MOB4: variants seen among roughly 807,000 people sequenced by gnomAD.
MOB4 encodes MOB-like protein phocein.
A neutral mutation model predicts 32.2 loss-of-function variants in MOB4; 4 were observed. The observed-to-expected ratio is 0.12, with a 90% confidence interval of 0.06 to 0.28. The LOEUF is 0.28. Among genes scored for constraint, MOB4 ranks in the 10% least tolerant of loss-of-function variants. MOB4 has a pLI of 1.00. For synonymous variants in MOB4, 88 were observed against 88.1 expected (o/e 1.00, Z 0.01); for missense variants, 158 against 271.2 (o/e 0.58, Z 2.93).
At chr2:197,520,777 G>A (rs1396040600) in intron 1 of MOB4, among the ~76,000 whole-genome samples, 1 of 151,762 alleles carries the variant, frequency 6.6e-6, no homozygotes, top group Non-Finnish European at 1.5e-5. Context: ...TCCCCCTTAA[G>A]CTGGGCATGG....
At chr2:197,517,129 AG>A (rs1397829809) in intron 1 of MOB4, among the ~76,000 whole-genome samples, 1 of 152,186 alleles carries the variant, frequency 6.6e-6, no homozygotes. Flanking sequence ...CACCTTTCGA[AG>A]GGGGCATACA....
At chr2:197,527,698 G>T (rs1408113761) in intron 2 of MOB4, among the ~76,000 whole-genome samples, 1 of 152,146 alleles carries the variant, frequency 6.6e-6, no homozygotes, top group Non-Finnish European at 1.5e-5. Context: ...GTGAAAGTGA[G>T]CATCCTTGTC....
At chr2:197,537,321 G>A (rs938651890) in intron 3 of MOB4, among the ~76,000 whole-genome samples, 3 of 152,166 alleles carry the variant, frequency 2.0e-5, no homozygotes, top group African/African-American at 7.2e-5. Flanking sequence ...GAGCTGGGAT[G>A]AGTTGACAGA....
intron 5 of MOB4, among the ~76,000 whole-genome samples, chr2:197,547,660 T>G (rs933615479): frequency 2.0e-5 from 3 of 152,180 alleles, no homozygotes; most frequent in African/African-American, 4.8e-5. Flanking sequence ...CTACAGTCAT[T>G]GTTACTCCTT....
chr2:197,534,830 C>A (rs1403559860), intron 2 of MOB4, among the ~76,000 whole-genome samples: 2 of 151,918 alleles, frequency 1.3e-5, no homozygotes, highest in African/African-American at 4.8e-5. Context: ...GGCATGAGCC[C>A]CGACGCCCGG....
chr2:197,550,508 T>C lies in MOB4; in HGVS notation c.547-7T>C. The stretch of plus-strand genomic sequence containing the variant: ...TTAAAATAACATTTTTGTCTTCCTC[T>C]CTACAGAATGAAACATTTTTGTGTC... On this transcript the variant is annotated splice_polypyrimidine_tract_variant and splice_region_variant and intron_variant, in intron 7 of 7. Coordinates refer to ENST00000323303, the MANE Select transcript of MOB4 (RefSeq NM_015387.5). 1 of 1,588,220 alleles carries C rather than the reference T, an allele frequency of 6.3e-7. No homozygotes were observed. Among genetic ancestry groups the C allele is most frequent in the Non-Finnish European group, 8.5e-7 (1 of 1,170,646 alleles).
chr2:197,526,443 A>G (rs1248115047), intron 2 of MOB4, among the ~76,000 whole-genome samples: 1 of 152,122 alleles, frequency 6.6e-6, no homozygotes, highest in Non-Finnish European at 1.5e-5. Context: ...CAGCCTCCTG[A>G]ATAGCTGGGA....
chr2:197,537,533 A>G (rs977056475), intron 3 of MOB4, among the ~76,000 whole-genome samples: 8 of 152,224 alleles, frequency 5.3e-5, no homozygotes, highest in Non-Finnish European at 8.8e-5. Context: ...AGAAATGGCT[A>G]AGACATTATG....
intron 3 of MOB4, among the ~76,000 whole-genome samples, chr2:197,538,029 T>C (rs1324927523): frequency 7.2e-5 from 11 of 152,218 alleles, no homozygotes; most frequent in South Asian, 2.1e-4. Context: ...CTGCCCACCT[T>C]GGCCTCCCAA....
At chr2:197,518,095 C>T (rs1188740802) in intron 1 of MOB4, among the ~76,000 whole-genome samples, 2 of 151,592 alleles carry the variant, frequency 1.3e-5, no homozygotes, top group Admixed American at 6.6e-5. Flanking sequence ...GAGCCGGAAT[C>T]GCGCCATTGC....
At chr2:197,529,136 C>G (rs2106114382) in intron 2 of MOB4, among the ~76,000 whole-genome samples, 1 of 151,630 alleles carries the variant, frequency 6.6e-6, no homozygotes. Context: ...CGCCACCACC[C>G]CCAGCTAATT....
intron 1 of MOB4, among the ~76,000 whole-genome samples, chr2:197,523,183 C>G (rs778673057): frequency 6.6e-6 from 1 of 151,630 alleles, no homozygotes; most frequent in Non-Finnish European, 1.5e-5. Flanking sequence ...CTTGTCTCCC[C>G]AATTAAGTAA....
chr2:197,543,993 G>C (rs2086945296), intron 5 of MOB4, among the ~76,000 whole-genome samples: 1 of 151,638 alleles, frequency 6.6e-6, no homozygotes, highest in Admixed American at 6.6e-5. Context: ...GCCCACCTCA[G>C]CCTCCTAAAG....
chr2:197,535,790 A>G (rs1353615153), intron 3 of MOB4, among the ~76,000 whole-genome samples, 160 bp downstream of exon 3: 1 of 152,034 alleles, frequency 6.6e-6, no homozygotes, highest in Non-Finnish European at 1.5e-5. Flanking sequence ...AGCTTTCTTC[A>G]CTGGTTGTTT....
intron 1 of MOB4, among the ~76,000 whole-genome samples, chr2:197,522,323 CTT>C (rs57163165): frequency 2.3e-4 from 15 of 66,470 alleles, no homozygotes; most frequent in African/African-American, 4.7e-4. Context: ...GGGTGATTAC[CTT>C]TTTTTTTTTT....
At position 197,550,734 on chromosome 2, in the gene MOB4, T is replaced by C. The variant is rs544029948; in HGVS notation, c.*88T>C. 9.2e-6 allele frequency: 13 copies of C among 1,417,548 alleles called. No individual in the cohort carries two copies. The African/African-American group carries it at 1.2e-4, about 13-fold the overall frequency. 87.8% of individuals were successfully genotyped at this position (1,417,548 alleles called of 1,614,324 possible). A position where few individuals can be genotyped will look rare whatever the true frequency, so the allele number is the denominator to read the frequency against. On this transcript the variant is annotated 3_prime_UTR_variant, in exon 8 of 8. Coordinates refer to ENST00000323303, the MANE Select transcript of MOB4 (RefSeq NM_015387.5). ...TAGACACATCAATCATGTATCCATA[T>C]TATAGCTTCTTTGTTTAGTATAGGT...
At chr2:197,520,185 T>A (rs1350220364) in intron 1 of MOB4, among the ~76,000 whole-genome samples, 1 of 142,058 alleles carries the variant, frequency 7.0e-6, no homozygotes, top group South Asian at 2.2e-4. Flanking sequence ...GCACTTAAAC[T>A]TTTTTTTTTT....
upstream of MOB4, chr2:197,515,715 G>T: frequency 3.7e-6 from 1 of 271,232 alleles, no homozygotes; most frequent in South Asian, 4.6e-5. Flanking sequence ...GCCACTATAC[G>T]AAGTTCGTTC....
intron 5 of MOB4, among the ~76,000 whole-genome samples, chr2:197,544,554 C>T (rs1574652283): frequency 6.6e-6 from 1 of 152,228 alleles, no homozygotes; most frequent in African/African-American, 2.4e-5. Flanking sequence ...GAGATCAAGA[C>T]CATCCTGGCT....
Sources: gnomAD v4.1 joint callset for allele counts (sites outside exome capture counted in the v4.1 genomes callset) on GRCh38, gnomAD v4.1.1 for gene constraint, MANE v1.5 for transcripts, NCBI Gene and HGNC (gene_info 2026-07-23, HGNC 2026-07-21) for gene names.